Variants in METTL15 observed in about 807,000 individuals in gnomAD.
The protein encoded by METTL15 is 12S rRNA N(4)-cytidine methyltransferase METTL15.
In METTL15, 34 loss-of-function variants were observed where a neutral mutation model predicts 38.3. The ratio of observed to expected loss-of-function variants is 0.89; its 90% CI spans 0.68 to 1.18. METTL15 has a LOEUF of 1.18. Among genes scored for constraint, METTL15 ranks in the 50% most tolerant of loss-of-function variants. The pLI is 0.00. For missense variants in METTL15, 438 were observed against 498.4 expected, an observed-to-expected ratio of 0.88 and a Z score of 1.15; for synonymous variants, 162 against 170.9, an observed-to-expected ratio of 0.95 and a Z score of 0.41.
In METTL15 at chr11:28,119,676, T is replaced by C. The variant is rs189026391; in HGVS notation, c.270+6072T>C. The stretch of plus-strand genomic sequence containing the variant: ...ATAATTATTAGATTTTCTATAGTTA[T>C]GGTACTAGCTTTGATAATTTTCTTT... On this transcript the variant is annotated intron_variant, in intron 3 of 6. Transcript: ENST00000407364. 6.3e-3 allele frequency among the ~76,000 whole-genome samples: 964 copies of C among 152,350 alleles called. 8 individuals are homozygous for C. The highest frequency in any genetic ancestry group is 0.01 in the Non-Finnish European group (692 of 68,036).
chr11:28,213,031 A>G (rs1435201114), intron 4 of METTL15, among the ~76,000 whole-genome samples: 1 of 152,126 alleles, frequency 6.6e-6, no homozygotes, highest in African/African-American at 2.4e-5. Flanking sequence ...TATTAGCCAG[A>G]TAGATGAAGT....
At chr11:28,369,273 AG>A (rs1850220035) in intron 5 of METTL15, among the ~76,000 whole-genome samples, 1 of 152,110 alleles carries the variant, frequency 6.6e-6, no homozygotes, top group Non-Finnish European at 1.5e-5. Flanking sequence ...AGAAGAAAAA[AG>A]GATAAAGAAG....
At chr11:28,116,598 A>C (rs2133596137) in intron 3 of METTL15, among the ~76,000 whole-genome samples, 1 of 152,286 alleles carries the variant, frequency 6.6e-6, no homozygotes, top group South Asian at 2.1e-4. Flanking sequence ...TCATGAACTA[A>C]ATTTAAGCTA....
chr11:28,338,535 T>C (rs2133352202), intron 3 of METTL15, among the ~76,000 whole-genome samples: 1 of 152,126 alleles, frequency 6.6e-6, no homozygotes, highest in Admixed American at 6.6e-5. Context: ...TTCTCTCTAT[T>C]CCGTAGCCAT....
intron 5 of METTL15, among the ~76,000 whole-genome samples, chr11:28,362,767 T>G (rs1728601912): frequency 6.6e-6 from 1 of 152,220 alleles, no homozygotes; most frequent in African/African-American, 2.4e-5. Context: ...TCTAATCCAC[T>G]GTTGATGGAC....
At chr11:28,224,833 C>G (rs1853407246) in intron 4 of METTL15, among the ~76,000 whole-genome samples, 1 of 151,444 alleles carries the variant, frequency 6.6e-6, no homozygotes, top group South Asian at 2.1e-4. Flanking sequence ...TTGGTGTTAT[C>G]TTTTTCTGTA....
At chr11:28,457,153 T>G (rs1851176007) in intron 6 of METTL15, among the ~76,000 whole-genome samples, 1 of 152,238 alleles carries the variant, frequency 6.6e-6, no homozygotes, top group Non-Finnish European at 1.5e-5. Context: ...TTCTAAGTTG[T>G]AAGAAGACTG....
chr11:28,259,245 C>G (rs913586176), intron 4 of METTL15, among the ~76,000 whole-genome samples: 16 of 152,152 alleles, frequency 1.1e-4, no homozygotes, highest in African/African-American at 3.9e-4. Context: ...ACGCTGGTTT[C>G]CAAGATGCAA....
intron 5 of METTL15, among the ~76,000 whole-genome samples, chr11:28,403,340 C>T (rs1850646406): frequency 6.6e-6 from 1 of 152,020 alleles, no homozygotes; most frequent in Admixed American, 6.6e-5. Context: ...AACTTTTCTA[C>T]AGTTTAGTTT....
At chr11:28,355,503 C>T (rs1030533195) in intron 4 of METTL15, among the ~76,000 whole-genome samples, 15 of 152,144 alleles carry the variant, frequency 9.9e-5, no homozygotes, top group Middle Eastern at 6.8e-3. Flanking sequence ...TACAATTGGC[C>T]GTGCGTATCC....
intron 4 of METTL15, among the ~76,000 whole-genome samples, chr11:28,241,132 A>G (rs1052953509): frequency 6.6e-6 from 1 of 152,192 alleles, no homozygotes; most frequent in African/African-American, 2.4e-5. Flanking sequence ...CAGTGAATAA[A>G]TCAAAGAACA....
intron 6 of METTL15, among the ~76,000 whole-genome samples, chr11:28,488,052 AC>A (rs1242292959): frequency 6.6e-6 from 1 of 152,176 alleles, no homozygotes; most frequent in African/African-American, 2.4e-5. Context: ...TTAGATTTCT[AC>A]TTTGACTAGT....
chr11:28,112,118 C>T (rs1851744324), intron 2 of METTL15, among the ~76,000 whole-genome samples: 1 of 152,080 alleles, frequency 6.6e-6, no homozygotes, highest in South Asian at 2.1e-4. Flanking sequence ...AGCTTTTCAA[C>T]GTTTTTAATT....
At chr11:28,339,440 A>G (rs183813995) in intron 3 of METTL15, among the ~76,000 whole-genome samples, 18 of 152,042 alleles carry the variant, frequency 1.2e-4, no homozygotes, top group African/African-American at 3.9e-4. Context: ...GGATTGGTTT[A>G]AGAGCAGATT....
chr11:28,435,959 G>A (rs970980128), intron 6 of METTL15, among the ~76,000 whole-genome samples: 1 of 152,174 alleles, frequency 6.6e-6, no homozygotes, highest in Non-Finnish European at 1.5e-5. Context: ...GAAAATCATG[G>A]ACTCCCTATT....
intron 6 of METTL15, among the ~76,000 whole-genome samples, chr11:28,313,528 T>C (rs1023643530): frequency 5.9e-5 from 9 of 151,964 alleles, no homozygotes; most frequent in African/African-American, 1.7e-4. Flanking sequence ...TTATATGTCA[T>C]GGAAAATTGT....
chr11:28,456,622 A>C (rs1851171296), intron 6 of METTL15, among the ~76,000 whole-genome samples: 1 of 151,882 alleles, frequency 6.6e-6, no homozygotes, highest in South Asian at 2.1e-4. Flanking sequence ...TGTAATTTTT[A>C]ATAGAGACGG....
At chr11:28,260,638 C>G (rs1855165544) in intron 4 of METTL15, among the ~76,000 whole-genome samples, 1 of 152,078 alleles carries the variant, frequency 6.6e-6, no homozygotes, top group Non-Finnish European at 1.5e-5. Flanking sequence ...TACAGTTGAG[C>G]AGATAAATGC....
intron 6 of METTL15, chr11:28,477,347 TTG>T (rs1248987789): frequency 6.6e-6 from 1 of 152,154 alleles, no homozygotes; most frequent in Non-Finnish European, 1.5e-5. Context: ...TGGCTAATTT[TTG>T]TGGGTTTTTT....
Sources: gnomAD v4.1 joint callset for allele counts (sites outside exome capture counted in the v4.1 genomes callset) on GRCh38, gnomAD v4.1.1 for gene constraint, MANE v1.5 for transcripts, NCBI Gene and HGNC (gene_info 2026-07-23, HGNC 2026-07-21) for gene names.